Variants in ATP8A1 observed in about 807,000 individuals in gnomAD.
ATP8A1 encodes the protein phospholipid-transporting ATPase IA.
ATP8A1 carries 90 observed loss-of-function variants against 177.7 expected under a neutral mutation model. That is an observed-to-expected ratio of 0.51 (90% CI 0.43 to 0.60). ATP8A1 has a LOEUF of 0.60. Among genes scored for constraint, ATP8A1 ranks in the 20% least tolerant of loss-of-function variants. The pLI is 0.00. For missense variants in ATP8A1, 1,072 were observed against 1,392.8 expected (o/e 0.77, Z 3.67); for synonymous variants, 493 against 485.9 (o/e 1.01, Z -0.19).
At chr4:42,565,270 T>C (rs1322551393) in intron 15 of ATP8A1, among the ~76,000 whole-genome samples, 2 of 152,236 alleles carry the variant, frequency 1.3e-5, no homozygotes, top group African/African-American at 4.8e-5. Flanking sequence ...GCTGCCTTAC[T>C]GGAATAAATA....
Position 42,452,015 on chromosome 4 carries a change from A to G in ATP8A1, c.2862T>C (p.Ile954=). 6.2e-7 allele frequency: 1 copy of G among 1,613,366 alleles called. No individual in the cohort carries two copies. Among genetic ancestry groups the G allele is most frequent in the Non-Finnish European group, 8.5e-7 (1 of 1,179,572 alleles). ...GGGCTTTTAGTGGAAACCAAAACAGAATAACTGAGTGGAAGAGGCCATTTA... is the reference window on the plus strand; with the variant it reads ...GGGCTTTTAGTGGAAACCAAAACAGGATAACTGAGTGGAAGAGGCCATTTA... ...HCLNGLFHSV[I]LFWFPLKALQ... is the part of the protein sequence containing the mutation. The change falls in exon 30 of 37, where the codon ATT becomes ATC. Residue 954 remains isoleucine (I), a synonymous_variant. Transcript: ENST00000381668.
chr4:42,509,233 A>G (rs1724745408), intron 22 of ATP8A1, among the ~76,000 whole-genome samples: 6 of 152,226 alleles, frequency 3.9e-5, no homozygotes, highest in Admixed American at 3.9e-4. Context: ...TACCAACTGT[A>G]TCTATCTCTT....
At position 42,628,686 on chromosome 4, in the gene ATP8A1, T is replaced by C. The variant is rs541698575; in HGVS notation, c.50-1577A>G. 2.6e-4 allele frequency among the ~76,000 whole-genome samples: 40 copies of C among 152,292 alleles called. No homozygotes were observed. The South Asian group carries it at 7.9e-3, about 30-fold the overall frequency. ...ACTTTTCCCTCTAGTTTTGTATAAT[T>C]GAAATTTCACACATGGGTTATTGAA... On this transcript the variant is annotated intron_variant, in intron 1 of 36. Coordinates refer to ENST00000381668, the MANE Select transcript of ATP8A1 (RefSeq NM_006095.2).
chr4:42,636,010 G>A (rs958112976), intron 1 of ATP8A1, among the ~76,000 whole-genome samples: 3 of 151,050 alleles, frequency 2.0e-5, no homozygotes, highest in African/African-American at 7.3e-5. Context: ...GGCTTAGCAT[G>A]GGCCATGTGC....
At chr4:42,524,086 A>G (rs1338843217) in intron 21 of ATP8A1, among the ~76,000 whole-genome samples, 3 of 152,184 alleles carry the variant, frequency 2.0e-5, no homozygotes, top group Non-Finnish European at 4.4e-5. Context: ...AAATTCTTGT[A>G]GTAACTGACT....
chr4:42,441,071 A>G (rs1359115211), intron 33 of ATP8A1, among the ~76,000 whole-genome samples: 1 of 152,164 alleles, frequency 6.6e-6, no homozygotes, highest in Non-Finnish European at 1.5e-5. Flanking sequence ...ATCCTGCAGA[A>G]CGGCCTCAAG....
At chr4:42,571,463 ATTT>A (rs5857852) in intron 14 of ATP8A1, among the ~76,000 whole-genome samples, 1 of 142,654 alleles carries the variant, frequency 7.0e-6, no homozygotes. Flanking sequence ...AAAGGTCTAA[ATTT>A]TTTTTTTTTT....
At chr4:42,460,650 G>C (rs1719026743) in intron 27 of ATP8A1, among the ~76,000 whole-genome samples, 1 of 152,194 alleles carries the variant, frequency 6.6e-6, no homozygotes, top group Non-Finnish European at 1.5e-5. Flanking sequence ...GCCTCCCAAA[G>C]TGCTGGGATT....
chr4:42,608,335 C>T lies in ATP8A1; in HGVS notation c.409+7698G>A, dbSNP rs922575463. On this transcript the variant is annotated intron_variant, in intron 5 of 36. Coordinates refer to ENST00000381668, the MANE Select transcript of ATP8A1 (RefSeq NM_006095.2). ...CTGGGGCCACTGCTGAAAGTGTCACCGGGGTGCCCTCCCCGGGCAATAATA... is the reference window on the plus strand; with the variant it reads ...CTGGGGCCACTGCTGAAAGTGTCACTGGGGTGCCCTCCCCGGGCAATAATA... Among the ~76,000 whole-genome samples the T allele has an allele frequency of 1.5e-4, 23 of 150,732 alleles. No homozygotes were observed. The South Asian group carries it at 3.4e-3, about 22-fold the overall frequency.
At chr4:42,630,071 T>C (rs1020873452) in intron 1 of ATP8A1, among the ~76,000 whole-genome samples, 2 of 152,268 alleles carry the variant, frequency 1.3e-5, no homozygotes, top group Non-Finnish European at 2.9e-5. Flanking sequence ...CAGATAATTC[T>C]ATTTTATGAT....
intron 22 of ATP8A1, among the ~76,000 whole-genome samples, chr4:42,508,369 C>T (rs1724671209): frequency 6.6e-6 from 1 of 152,142 alleles, no homozygotes; most frequent in Non-Finnish European, 1.5e-5. Flanking sequence ...AAGTGATCTG[C>T]CCACCTTGAC....
chr4:42,583,390 G>A (rs1157905802), intron 9 of ATP8A1, among the ~76,000 whole-genome samples: 2 of 152,182 alleles, frequency 1.3e-5, no homozygotes, highest in East Asian at 3.8e-4. Context: ...GTTGAAAGGG[G>A]CCTTGGGCCT....
chr4:42,532,974 C>T (rs1727431486), intron 20 of ATP8A1, among the ~76,000 whole-genome samples: 1 of 152,208 alleles, frequency 6.6e-6, no homozygotes, highest in South Asian at 2.1e-4. Flanking sequence ...ATGATAATCC[C>T]ACCACCCTTT....
At chr4:42,611,073 A>G (rs1325705013) in intron 5 of ATP8A1, among the ~76,000 whole-genome samples, 4 of 152,222 alleles carry the variant, frequency 2.6e-5, no homozygotes, top group African/African-American at 7.2e-5. Context: ...AACAACCCGC[A>G]ACACATTCAA....
rs751214822 is a variant in ATP8A1 at position 42,581,549 on chromosome 4, T to C, written c.834+72A>G. On this transcript the variant is annotated intron_variant, in intron 10 of 36. Transcript: ENST00000381668. ...GATGGTCTCCTATGTTTGGGACCAC[T>C]GCACTGAGATCTGTAAATCATACAC... 1.8e-4 allele frequency: 191 copies of C among 1,077,294 alleles called. 2 individuals carry two copies. In the East Asian group the frequency reaches 3.7e-3, roughly 21 times the overall value. 66.7% of individuals were successfully genotyped at this position (1,077,294 alleles called of 1,614,324 possible).
intron 15 of ATP8A1, among the ~76,000 whole-genome samples, chr4:42,557,096 A>G (rs1466887504): frequency 1.3e-5 from 2 of 152,216 alleles, no homozygotes; most frequent in African/African-American, 4.8e-5. Context: ...CAGTAAACTT[A>G]AGGAGGAAGT....
intron 33 of ATP8A1, among the ~76,000 whole-genome samples, chr4:42,429,115 T>A (rs1714965259): frequency 6.6e-6 from 1 of 152,176 alleles, no homozygotes; most frequent in African/African-American, 2.4e-5. Flanking sequence ...GTTCTTGAGA[T>A]GTGGTGGTTA....
At chr4:42,609,413 C>G (rs552517827) in intron 5 of ATP8A1, among the ~76,000 whole-genome samples, 28 of 152,156 alleles carry the variant, frequency 1.8e-4, no homozygotes, top group Non-Finnish European at 3.8e-4. Context: ...AATGCTTTCC[C>G]TTTCTCCTGC....
intron 5 of ATP8A1, among the ~76,000 whole-genome samples, chr4:42,606,526 C>T (rs1735812696): frequency 6.6e-6 from 1 of 152,134 alleles, no homozygotes; most frequent in Non-Finnish European, 1.5e-5. Flanking sequence ...TCTTGGGTGG[C>T]TACAAGGGAG....
Sources: gnomAD v4.1 joint callset for allele counts (sites outside exome capture counted in the v4.1 genomes callset) on GRCh38, gnomAD v4.1.1 for gene constraint, MANE v1.5 for transcripts, NCBI Gene and HGNC (gene_info 2026-07-23, HGNC 2026-07-21) for gene names.